The following PDE7A variants were observed in gnomAD, a reference collection of about 807,000 sequenced individuals.
PDE7A encodes high affinity 3',5'-cyclic-AMP phosphodiesterase 7A.
In PDE7A, 39 loss-of-function variants were observed where a neutral mutation model predicts 64.3. The observed-to-expected ratio is 0.61, with a 90% CI of 0.47 to 0.79. The LOEUF is 0.79. Among genes scored for constraint, PDE7A ranks in the 30% least tolerant of loss-of-function variants. The probability of loss-of-function intolerance (pLI) is 0.00; values close to 1 mark genes in which losing one functional copy is unlikely to be tolerated. For missense variants in PDE7A, 470 were observed against 582.8 expected (o/e 0.81, Z 1.99); for synonymous variants, 203 against 206.8 (o/e 0.98, Z 0.16).
At chr8:65,729,576 A>G (rs1806754505) in intron 7 of PDE7A, among the ~76,000 whole-genome samples, 1 of 151,696 alleles carries the variant, frequency 6.6e-6, no homozygotes, top group Non-Finnish European at 1.5e-5. Context: ...AACAGATTCT[A>G]TTTTTTTGTG....
chr8:65,754,410 A>G (rs1011184519), intron 3 of PDE7A, among the ~76,000 whole-genome samples: 2 of 151,578 alleles, frequency 1.3e-5, no homozygotes, highest in African/African-American at 2.4e-5. Context: ...CTCCTTTCCC[A>G]TTCTTTTACT....
At chr8:65,764,817 A>C (rs1459356519) in intron 3 of PDE7A, among the ~76,000 whole-genome samples, 1 of 152,244 alleles carries the variant, frequency 6.6e-6, no homozygotes, top group African/African-American at 2.4e-5. Context: ...ATGAGGAACT[A>C]AGCGAAATTT....
At chr8:65,805,106 A>C (rs1051658465) in intron 1 of PDE7A, among the ~76,000 whole-genome samples, 2 of 152,150 alleles carry the variant, frequency 1.3e-5, no homozygotes, top group Admixed American at 6.6e-5. Flanking sequence ...AGCCTCCCAA[A>C]GTGTTGGGAT....
chr8:65,833,373 C>T (rs1810877465), intron 1 of PDE7A, among the ~76,000 whole-genome samples: 1 of 152,166 alleles, frequency 6.6e-6, no homozygotes, highest in South Asian at 2.1e-4. Context: ...TTGAAAAGAT[C>T]AGAATGAAAG....
chr8:65,778,720 G>A (rs1262473559), intron 3 of PDE7A, among the ~76,000 whole-genome samples: 1 of 152,194 alleles, frequency 6.6e-6, no homozygotes, highest in African/African-American at 2.4e-5. Context: ...CCTAGGACAT[G>A]TCCCAGGGCT....
At chr8:65,754,921 C>T (rs746314838) in intron 3 of PDE7A, among the ~76,000 whole-genome samples, 27 of 150,006 alleles carry the variant, frequency 1.8e-4, no homozygotes, top group Admixed American at 3.3e-4. Context: ...GCCGAGATCG[C>T]GCCACTGCAC....
chr8:65,809,672 A>C (rs1040931548), intron 1 of PDE7A, among the ~76,000 whole-genome samples: 4 of 152,234 alleles, frequency 2.6e-5, no homozygotes, highest in Non-Finnish European at 5.9e-5. Flanking sequence ...ATCAAACCCC[A>C]TCACAAAGTG....
At chr8:65,750,941 C>T (rs1807921288) in intron 3 of PDE7A, among the ~76,000 whole-genome samples, 1 of 152,130 alleles carries the variant, frequency 6.6e-6, no homozygotes, top group South Asian at 2.1e-4. Flanking sequence ...ATCATGGAAG[C>T]CCAATGCCTT....
rs371620919 is a variant in PDE7A at position 65,750,474 on chromosome 8, C to CTGTGTGTGTG, written c.284-2681_284-2672dup. Among the ~76,000 whole-genome samples the CTGTGTGTGTG allele has an allele frequency of 9.0e-3, 1,278 of 142,638 alleles. 16 individuals carry two copies. Among genetic ancestry groups the CTGTGTGTGTG allele is most frequent in the African/African-American group, 0.022 (852 of 38,140 alleles). 93.6% of individuals were successfully genotyped at this position (142,638 alleles called of 152,430 possible). A position where few individuals can be genotyped will look rare whatever the true frequency, so the allele number is the denominator to read the frequency against. ...TATGTATATATGTAAATTAGAATCA[C>CTGTGTGTGTG]TGTGTGTGTGTGTGTGTGTGTGTGT... On this transcript the variant is annotated intron_variant, in intron 3 of 12. Transcript: ENST00000401827.
chr8:65,816,357 G>A (rs1261653846), intron 1 of PDE7A, among the ~76,000 whole-genome samples: 5 of 152,138 alleles, frequency 3.3e-5, no homozygotes, highest in Non-Finnish European at 2.9e-5. Context: ...TTGTTTTTTA[G>A]ATAGAATTCA....
At chr8:65,779,696 A>C (rs1396759693) in intron 3 of PDE7A, 24 bp downstream of exon 3, 3 of 1,217,170 alleles carry the variant, frequency 2.5e-6, no homozygotes, top group Non-Finnish European at 3.5e-6. Flanking sequence ...AAATCCGAGA[A>C]ACTTCATGTC....
intron 3 of PDE7A, among the ~76,000 whole-genome samples, chr8:65,748,514 G>A (rs982001188): frequency 6.6e-6 from 1 of 152,186 alleles, no homozygotes; most frequent in Non-Finnish European, 1.5e-5. Context: ...TTGGGCACCA[G>A]ATGAAATGAC....
intron 4 of PDE7A, among the ~76,000 whole-genome samples, chr8:65,746,097 ATTTT>A (rs374802114): frequency 7.1e-6 from 1 of 141,308 alleles, no homozygotes; most frequent in African/African-American, 2.6e-5. Flanking sequence ...TACCTGGCTA[ATTTT>A]TTTTTTTTTT....
intron 1 of PDE7A, among the ~76,000 whole-genome samples, chr8:65,825,648 T>C (rs1810653509): frequency 6.6e-6 from 1 of 151,982 alleles, no homozygotes; most frequent in African/African-American, 2.4e-5. Flanking sequence ...TTGGAGGAGG[T>C]AGGTGGGAAG....
chr8:65,819,197 C>T (rs1455617655), intron 1 of PDE7A, among the ~76,000 whole-genome samples: 2 of 152,160 alleles, frequency 1.3e-5, no homozygotes, highest in African/African-American at 4.8e-5. Flanking sequence ...AGTTCAAGAC[C>T]AGCCTGGGCA....
rs909165304 is a variant in PDE7A at position 65,796,301 on chromosome 8, T to C, written c.139-13458A>G. 2.0e-5 allele frequency among the ~76,000 whole-genome samples: 3 copies of C among 151,900 alleles called. No homozygotes were observed. The South Asian group carries it at 6.2e-4, about 32-fold the overall frequency. ...CTATCAATCCATATGTCAAAGCAGG[T>C]TAAACGAACTCCAAACATAAAAAAA... On this transcript the variant is annotated intron_variant, in intron 1 of 12. Transcript: ENST00000401827.
chr8:65,726,870 C>A lies in PDE7A; in HGVS notation c.920+5G>T, dbSNP rs750082427. The A allele has an allele frequency of 6.6e-7, 1 of 1,519,182 alleles. No homozygotes were observed. The highest frequency in any genetic ancestry group is 2.3e-5 in the East Asian group (1 of 44,290). The allele number at this position is 1,519,182 out of a possible 1,614,324, so 94.1% of individuals were successfully genotyped here. ...ACAAATTAAATTTGTCTTAATCCAA[C>A]CTACCTGCTTTCTAATGGCAGATGT... On this transcript the variant is annotated splice_donor_5th_base_variant and intron_variant, in intron 9 of 12. Transcript: ENST00000401827.
chr8:65,768,111 T>C (rs891177718), intron 3 of PDE7A, among the ~76,000 whole-genome samples: 4 of 152,258 alleles, frequency 2.6e-5, no homozygotes, highest in African/African-American at 7.2e-5. Context: ...CCTCCACACA[T>C]TTGGTCACAG....
At chr8:65,801,219 T>G (rs1022723481) in intron 1 of PDE7A, among the ~76,000 whole-genome samples, 4 of 152,132 alleles carry the variant, frequency 2.6e-5, no homozygotes, top group Non-Finnish European at 5.9e-5. Context: ...GTGGAGTGAA[T>G]GAAACTATTT....
Sources: allele counts gnomAD v4.1 joint callset (sites outside exome capture counted in the v4.1 genomes callset), GRCh38; gene constraint gnomAD v4.1.1; transcripts MANE v1.5; gene names NCBI Gene and HGNC (gene_info 2026-07-23, HGNC 2026-07-21).